CSMD1: variants seen among roughly 807,000 people sequenced by gnomAD.
CSMD1 encodes CUB and sushi domain-containing protein 1.
In CSMD1, 213 loss-of-function variants were observed where a neutral mutation model predicts 417.5. The observed-to-expected ratio is 0.51, with a 90% CI of 0.46 to 0.57. The LOEUF is 0.57. CSMD1 is among the 20% of genes least tolerant of loss of function. The pLI is 0.00. For synonymous variants in CSMD1, 2,862 were observed against 1,736.8 expected (o/e 1.65, Z -16.11); for missense variants, 6,923 against 4,529.7 (o/e 1.53, Z -15.17).
chr8:4,293,418 G>C (rs929151427), intron 3 of CSMD1, among the ~76,000 whole-genome samples: 1 of 152,020 alleles, frequency 6.6e-6, no homozygotes, highest in Admixed American at 6.6e-5. Context: ...CCAAAGCTAC[G>C]GCTAAAAAGT....
intron 5 of CSMD1, among the ~76,000 whole-genome samples, chr8:3,914,182 T>G (rs1248516431): frequency 6.6e-6 from 1 of 152,094 alleles, no homozygotes; most frequent in Non-Finnish European, 1.5e-5. Flanking sequence ...GAAAAAGTAC[T>G]TTTAACCCCC....
rs1383238603 is a variant in CSMD1, at chr8:2,998,108, CACG to C, written c.8277_8279del (p.Val2760del). ...AATAGCCCGTGTTGCAGGTGAAATT[CACG>C]ACATCATTCAGGTTGAACTCACTGC... is the stretch of plus-strand genomic sequence containing the variant. On this transcript the variant is annotated inframe_deletion, in exon 54 of 70. Transcript: ENST00000635120. 1 of 1,614,024 alleles carries C rather than the reference CACG, an allele frequency of 6.2e-7. No individual in the cohort carries two copies. The highest frequency in any genetic ancestry group is 1.7e-5 in the Admixed American group (1 of 60,030).
chr8:3,702,804 G>C (rs891332540), intron 7 of CSMD1, among the ~76,000 whole-genome samples: 1 of 152,184 alleles, frequency 6.6e-6, no homozygotes, highest in African/African-American at 2.4e-5. Context: ...ACTCCAGCCT[G>C]GGTGACAGAA....
intron 2 of CSMD1, among the ~76,000 whole-genome samples, chr8:4,493,158 C>G (rs531586962): frequency 1.3e-3 from 204 of 152,120 alleles, no homozygotes; most frequent in Non-Finnish European, 9.3e-4. Flanking sequence ...TTTTTAAAGG[C>G]AGCAATAGTA....
intron 11 of CSMD1, among the ~76,000 whole-genome samples, chr8:3,472,355 C>T (rs562170590): frequency 5.3e-5 from 8 of 152,218 alleles, no homozygotes; most frequent in African/African-American, 1.4e-4. Context: ...AACACACTTC[C>T]CAATTCTTGG....
At chr8:3,798,679 CAT>C (rs879260094) in intron 5 of CSMD1, among the ~76,000 whole-genome samples, 4 of 152,040 alleles carry the variant, frequency 2.6e-5, no homozygotes, top group South Asian at 4.1e-4. Flanking sequence ...CATTTACACA[CAT>C]ATAAGTGTAT....
At chr8:3,413,009 C>G (rs1812913712) in intron 12 of CSMD1, among the ~76,000 whole-genome samples, 1 of 152,270 alleles carries the variant, frequency 6.6e-6, no homozygotes, top group African/African-American at 2.4e-5. Context: ...TTTTGAATCC[C>G]CCAGTGTTTG....
At chr8:4,229,995 T>C (rs1801613980) in intron 3 of CSMD1, among the ~76,000 whole-genome samples, 1 of 152,204 alleles carries the variant, frequency 6.6e-6, no homozygotes, top group African/African-American at 2.4e-5. Flanking sequence ...CTTAAGTCTG[T>C]AATAAATGCA....
intron 1 of CSMD1, among the ~76,000 whole-genome samples, chr8:4,948,872 G>C (rs188329233): frequency 4.6e-4 from 70 of 152,094 alleles, no homozygotes; most frequent in African/African-American, 1.7e-3. Context: ...TTTTCATTCC[G>C]ATTTTAGATA....
chr8:3,425,788 A>C (rs1359647661), intron 12 of CSMD1, among the ~76,000 whole-genome samples: 2 of 152,018 alleles, frequency 1.3e-5, no homozygotes, highest in African/African-American at 2.4e-5. Flanking sequence ...AATTTAACCA[A>C]GGTAAATTTC....
At chr8:4,322,581 A>C (rs1276968200) in intron 3 of CSMD1, among the ~76,000 whole-genome samples, 1 of 152,218 alleles carries the variant, frequency 6.6e-6, no homozygotes, top group Non-Finnish European at 1.5e-5. Context: ...ATGAAGGAAA[A>C]TTTCAACATA....
intron 12 of CSMD1, among the ~76,000 whole-genome samples, chr8:3,437,731 G>T (rs191090925): frequency 1.3e-5 from 2 of 150,224 alleles, no homozygotes; most frequent in Admixed American, 1.3e-4. Context: ...AGCCACTATA[G>T]ATGCAGCTAA....
Position 3,197,129 on chromosome 8 carries a change from G to A in CSMD1, c.5194+2585C>T, listed in dbSNP as rs576783650. 6.6e-5 allele frequency among the ~76,000 whole-genome samples: 10 copies of A among 152,310 alleles called. No individual in the cohort carries two copies. The South Asian group carries it at 1.9e-3, about 28-fold the overall frequency. ...AGACTTACATTGCTTCAGAAGTTCA[G>A]AAAGATGGTAACATCATCATTAATT... On this transcript the variant is annotated intron_variant, in intron 33 of 69. Transcript: ENST00000635120.
intron 29 of CSMD1, among the ~76,000 whole-genome samples, chr8:3,216,831 G>C (rs148634434): frequency 6.6e-6 from 1 of 152,334 alleles, no homozygotes; most frequent in African/African-American, 2.4e-5. Context: ...ACGACTGCCT[G>C]GTGTTCCTTC....
intron 1 of CSMD1, among the ~76,000 whole-genome samples, chr8:4,658,127 A>G (rs1300506557): frequency 2.6e-5 from 4 of 152,138 alleles, no homozygotes; most frequent in Non-Finnish European, 4.4e-5. Context: ...ACATAACAAT[A>G]TATGCATAAT....
At chr8:4,035,703 C>T (rs1244020313) in intron 3 of CSMD1, among the ~76,000 whole-genome samples, 2 of 152,030 alleles carry the variant, frequency 1.3e-5, no homozygotes, top group Non-Finnish European at 2.9e-5. Context: ...TTTATGTTTT[C>T]AGTTAAATAT....
At chr8:4,583,566 G>A (rs547604630) in intron 2 of CSMD1, among the ~76,000 whole-genome samples, 5 of 152,156 alleles carry the variant, frequency 3.3e-5, no homozygotes, top group Non-Finnish European at 7.4e-5. Context: ...TCAGCACCCT[G>A]TATTTACCTC....
intron 5 of CSMD1, among the ~76,000 whole-genome samples, chr8:3,981,764 C>T (rs1440526998): frequency 6.6e-6 from 1 of 152,160 alleles, no homozygotes; most frequent in African/African-American, 2.4e-5. Flanking sequence ...TGCCGTCCGA[C>T]AGGCTGTGCG....
chr8:3,295,491 TTTAC>T (rs1803898662), intron 25 of CSMD1, among the ~76,000 whole-genome samples: 1 of 152,164 alleles, frequency 6.6e-6, no homozygotes, highest in South Asian at 2.1e-4. Context: ...ACTTTGTTAA[TTTAC>T]TTTAAAACTG....
Sources: gnomAD v4.1 joint callset for allele counts (sites outside exome capture counted in the v4.1 genomes callset) on GRCh38, gnomAD v4.1.1 for gene constraint, MANE v1.5 for transcripts, NCBI Gene and HGNC (gene_info 2026-07-23, HGNC 2026-07-21) for gene names.